The following SEZ6 variants were observed in gnomAD, a reference collection of about 807,000 sequenced individuals.
SEZ6 encodes the protein seizure related 6 homolog, also known as seizure protein 6 homolog.
In SEZ6, 53 loss-of-function variants were observed where a neutral mutation model predicts 101.0. The ratio of observed to expected loss-of-function variants is 0.52; its 90% CI spans 0.42 to 0.66. The LOEUF (loss-of-function observed/expected upper bound fraction) is 0.66, where lower values mean the gene tolerates loss of function less well. SEZ6 is among the 30% of genes least tolerant of loss of function. The pLI, the probability that SEZ6 is intolerant of heterozygous loss-of-function variation, is 0.00. For missense variants in SEZ6, 1,102 were observed against 1,289.4 expected (o/e 0.85, Z 2.23); for synonymous variants, 488 against 512.2 (o/e 0.95, Z 0.64).
rs774513617 is a variant in SEZ6, at chr17:28,964,059, G to A, written c.1143C>T (p.Phe381=). The A allele has an allele frequency of 3.1e-6, 5 of 1,610,070 alleles. No homozygotes were observed. Among genetic ancestry groups the A allele is most frequent in the Non-Finnish European group, 4.2e-6 (5 of 1,178,180 alleles). Residue 381 remains phenylalanine, a synonymous_variant, in exon 5 of 17, where the codon TTC becomes TTT. Coordinates refer to ENST00000317338, the MANE Select transcript of SEZ6 (RefSeq NM_178860.5). ...TCAGCTGGTAGCCAGTGGCACAATG[G>A]AAGCGGGCACTACCCCCTGGGTGGA... The part of the protein sequence containing the change: ...TSLHPGGSAR[F]HCATGYQLKG...
rs892672055 is a variant in SEZ6 at position 28,956,989 on chromosome 17, T to G, written c.2692+56A>C. 2.0e-6 allele frequency: 3 copies of G among 1,493,076 alleles called. No individual in the cohort carries two copies. The African/African-American group carries it at 4.2e-5, about 21-fold the overall frequency. 92.5% of individuals were successfully genotyped at this position (1,493,076 alleles called of 1,614,324 possible). On this transcript the variant is annotated intron_variant, in intron 13 of 16. Transcript: ENST00000317338. ...TTCTGGTTCTAAACATTGGACATCT[T>G]TGCCAGAGCAGCTCTATGGGCCAGG...
At chr17:28,963,179 T>C (rs192685833) in intron 5 of SEZ6, among the ~76,000 whole-genome samples, 70 of 150,556 alleles carry the variant, frequency 4.6e-4, no homozygotes, top group African/African-American at 1.7e-3. Context: ...AACCAAACAC[T>C]GAGTCTTCCT....
At chr17:28,995,355 G>T (rs867446574) in intron 1 of SEZ6, among the ~76,000 whole-genome samples, 12 of 151,946 alleles carry the variant, frequency 7.9e-5, no homozygotes, top group South Asian at 2.1e-4. Context: ...TGTGGGGGGG[G>T]GTGCATTAGG....
chr17:28,988,677 G>C (rs978464276), intron 1 of SEZ6, among the ~76,000 whole-genome samples: 1 of 152,156 alleles, frequency 6.6e-6, no homozygotes, highest in African/African-American at 2.4e-5. Context: ...TCTCTTTCTT[G>C]GTCAACCCCT....
rs1288586137 is a variant in SEZ6 at position 29,005,417 on chromosome 17, G to A, written c.55+398C>T. ...GGCGGCAGGGGAAGCGGGACCACGG[G>A]CCGCCAGCTGGACCGTCCCGACTCA... On this transcript the variant is annotated intron_variant, in intron 1 of 16. Transcript: ENST00000317338. This position sits in a 1 kb window ranked among gnomAD's most constrained non-coding sequence, Gnocchi z 4.8. 6.6e-6 allele frequency among the ~76,000 whole-genome samples: 1 copy of A among 152,158 alleles called. No homozygotes were observed. Among genetic ancestry groups the A allele is most frequent in the Non-Finnish European group, 1.5e-5 (1 of 68,018 alleles).
chr17:28,981,592 G>C lies in SEZ6; in HGVS notation c.503C>G (p.Pro168Arg). 1.2e-6 allele frequency: 2 copies of C among 1,604,776 alleles called. No homozygotes were observed. Among genetic ancestry groups the C allele is most frequent in the Admixed American group, 1.7e-5 (1 of 59,520 alleles). Residue 168 changes from proline (P) to arginine (R), a missense_variant, in exon 2 of 17, where the codon CCA (proline) becomes CGA (arginine). Physicochemically the swap from Pro to Arg is moderately radical, Grantham distance 103. Coordinates refer to ENST00000317338, the MANE Select transcript of SEZ6 (RefSeq NM_178860.5). ...GGGTGTAGTGCTGGCTATCTCCCCT[G>C]GGCCTAGGGTGGGCACTGCCATGCT... ...GPSMAVPTLG[P>R]GEIASTTPPS...
chr17:28,994,738 G>T (rs561238926), intron 1 of SEZ6, among the ~76,000 whole-genome samples: 2 of 152,032 alleles, frequency 1.3e-5, no homozygotes, highest in African/African-American at 4.8e-5. Context: ...GAGTCTTTTG[G>T]GTGGGTGGGA....
intron 1 of SEZ6, among the ~76,000 whole-genome samples, chr17:29,002,963 AC>A (rs1301161484): frequency 6.6e-6 from 1 of 151,652 alleles, no homozygotes; most frequent in Non-Finnish European, 1.5e-5. Flanking sequence ...CCCCTCTATC[AC>A]CACATTCTCA....
In SEZ6 at chr17:28,956,147, A is replaced by T; in HGVS notation, c.2952+12T>A. 4 of 1,568,714 alleles carry T rather than the reference A, an allele frequency of 2.5e-6. No homozygotes were observed. The highest frequency in any genetic ancestry group is 3.5e-6 in the Non-Finnish European group (4 of 1,156,380). On this transcript the variant is annotated intron_variant, in intron 16 of 16. Coordinates refer to ENST00000317338, the MANE Select transcript of SEZ6 (RefSeq NM_178860.5). ...TCTTGGATAGGGTGGCAAGGCTGGC[A>T]TGGTTACTTACTCCAGTCTCGTAAG...
chr17:28,978,637 G>T (rs2041257322), intron 3 of SEZ6, among the ~76,000 whole-genome samples: 1 of 152,222 alleles, frequency 6.6e-6, no homozygotes, highest in South Asian at 2.1e-4. Context: ...CAAAGTGGGG[G>T]TAAAGAACAA....
At chr17:28,958,952 C>T (rs1221796043) in intron 10 of SEZ6, 73 bp downstream of exon 10, 1 of 1,481,518 alleles carries the variant, frequency 6.7e-7, no homozygotes, top group East Asian at 2.3e-5. Flanking sequence ...CATTCAGGCA[C>T]CTCACTGCCC....
chr17:28,960,224 C>T (rs2040954225), intron 7 of SEZ6: 1 of 579,752 alleles, frequency 1.7e-6, no homozygotes, highest in Admixed American at 3.0e-5. Flanking sequence ...GCAATTCTTT[C>T]TTAAGGGTTG....
chr17:28,981,775 A>G lies in SEZ6; in HGVS notation c.320T>C (p.Leu107Pro). ...GCTGTCCTGGTTGGCCAGGCGGGGA[A>G]GGGGACTTGGGGTGAAGGGTGCAGG... ...DPPAPFTPSPLPRLANQDSRP... is the reference protein window; with the variant it reads ...DPPAPFTPSPPPRLANQDSRP... Residue 107 changes from leucine (L) to proline (P), a missense_variant, in exon 2 of 17, where the codon CTT (leucine) becomes CCT (proline). Coordinates refer to ENST00000317338, the MANE Select transcript of SEZ6 (RefSeq NM_178860.5). 1.2e-6 allele frequency: 2 copies of G among 1,612,390 alleles called. No individual in the cohort carries two copies. Among genetic ancestry groups the G allele is most frequent in the Non-Finnish European group, 1.7e-6 (2 of 1,178,690 alleles).
chr17:28,976,768 G>A (rs1376513104), intron 3 of SEZ6, among the ~76,000 whole-genome samples: 1 of 152,194 alleles, frequency 6.6e-6, no homozygotes, highest in East Asian at 1.9e-4. Flanking sequence ...TTCCAAAACA[G>A]CCAGGGCAGC....
At chr17:28,991,711 T>A (rs1432608100) in intron 1 of SEZ6, among the ~76,000 whole-genome samples, 1 of 152,096 alleles carries the variant, frequency 6.6e-6, no homozygotes, top group African/African-American at 2.4e-5. Context: ...CAGGGAGAGA[T>A]GACAAGGAGC....
chr17:28,962,455 C>T (rs1213951249), intron 5 of SEZ6, among the ~76,000 whole-genome samples: 3 of 152,154 alleles, frequency 2.0e-5, no homozygotes, highest in Non-Finnish European at 4.4e-5. Context: ...TCTGGTTGTG[C>T]CTGGCACCCA....
chr17:28,990,738 A>T (rs985029915), intron 1 of SEZ6, among the ~76,000 whole-genome samples: 3 of 152,050 alleles, frequency 2.0e-5, no homozygotes, highest in Non-Finnish European at 4.4e-5. Context: ...CCGGCTATAA[A>T]AAAACCCTAG....
intron 4 of SEZ6, among the ~76,000 whole-genome samples, chr17:28,969,387 T>A (rs1029634052): frequency 1.3e-5 from 2 of 152,112 alleles, no homozygotes; most frequent in Non-Finnish European, 2.9e-5. Flanking sequence ...GAGAAAGAAC[T>A]CCTTGAGGAC....
At chr17:29,003,216 C>G (rs1298109863) in intron 1 of SEZ6, among the ~76,000 whole-genome samples, 1 of 152,218 alleles carries the variant, frequency 6.6e-6, no homozygotes, top group East Asian at 1.9e-4. Context: ...CACACGCAGC[C>G]CCTTCAACAC....
Sources: gnomAD v4.1 joint callset for allele counts (sites outside exome capture counted in the v4.1 genomes callset) on GRCh38, gnomAD v4.1.1 for gene constraint, Gnocchi (gnomAD v3.1) non-coding constraint, MANE v1.5 for transcripts, NCBI Gene and HGNC (gene_info 2026-07-23, HGNC 2026-07-21) for gene names.